The following LGR5 variants were observed in gnomAD, a reference collection of about 807,000 sequenced individuals.
LGR5 encodes leucine-rich repeat-containing G protein-coupled receptor 5.
In LGR5, 54 loss-of-function variants were observed where a neutral mutation model predicts 76.7. The ratio of observed to expected loss-of-function variants is 0.70; its 90% CI spans 0.57 to 0.88. The LOEUF (loss-of-function observed/expected upper bound fraction) is 0.88, where lower values mean the gene tolerates loss of function less well. Ranked by LOEUF, LGR5 falls within the 40% of genes least tolerant of loss-of-function variation. The probability of loss-of-function intolerance (pLI) is 0.00; values close to 1 mark genes in which losing one functional copy is unlikely to be tolerated. For missense variants in LGR5, 1,078 were observed against 1,073.3 expected, an observed-to-expected ratio of 1.00 and a Z score of -0.06; for synonymous variants, 406 against 421.9, an observed-to-expected ratio of 0.96 and a Z score of 0.46.
intron 4 of LGR5, among the ~76,000 whole-genome samples, chr12:71,545,529 C>G (rs1565740294): frequency 6.6e-6 from 1 of 151,926 alleles, no homozygotes. Context: ...CTTCATAACT[C>G]TGTTTATTAC....
intron 1 of LGR5, chr12:71,448,431 G>C (rs1872112366): frequency 1.3e-5 from 2 of 152,190 alleles, no homozygotes; most frequent in African/African-American, 4.8e-5. Context: ...TTTAAAGTTG[G>C]TTGGTTAATG....
chr12:71,522,463 A>C (rs962361280), intron 2 of LGR5, among the ~76,000 whole-genome samples: 4 of 152,224 alleles, frequency 2.6e-5, no homozygotes, highest in African/African-American at 7.2e-5. Context: ...AAGTGCCAAC[A>C]CCATGCTTAG....
chr12:71,539,546 C>T (rs1876770981), intron 4 of LGR5, among the ~76,000 whole-genome samples: 1 of 152,156 alleles, frequency 6.6e-6, no homozygotes, highest in Non-Finnish European at 1.5e-5. Context: ...GGTGCGATCT[C>T]AGCTCGCTGC....
At chr12:71,567,145 T>G (rs73337630) in intron 11 of LGR5, 8,772 of 507,882 alleles carry the variant, frequency 0.017, 229 homozygotes, top group African/African-American at 0.082. Context: ...CCACTAGACT[T>G]TCAGTTGGCA....
At chr12:71,439,762 A>C (rs1871660172), upstream of LGR5, 1 of 318,336 alleles carries the variant, frequency 3.1e-6, no homozygotes, top group African/African-American at 2.2e-5. Flanking sequence ...TTCGGGCTGG[A>C]GCGCTTTAAA....
chr12:71,572,805 A>C (rs759655329), intron 12 of LGR5, 45 bp from the exon 13 acceptor site: 60 of 1,485,676 alleles, frequency 4.0e-5, no homozygotes, highest in Non-Finnish European at 5.6e-5. Flanking sequence ...GTAGTCTTTG[A>C]AACCAGTAAC....
intron 2 of LGR5, among the ~76,000 whole-genome samples, chr12:71,519,784 C>A (rs1875638622): frequency 6.6e-6 from 1 of 151,684 alleles, no homozygotes; most frequent in Admixed American, 6.6e-5. Flanking sequence ...AAGCTTGAGC[C>A]ACTACACTGT....
chr12:71,583,468 C>T, intron 17 of LGR5, 179 bp from the exon 18 acceptor site: 1 of 676,130 alleles, frequency 1.5e-6, no homozygotes, highest in Non-Finnish European at 2.5e-6. Context: ...GCCAGTGCTG[C>T]AGAAGATCCA....
intron 1 of LGR5, among the ~76,000 whole-genome samples, chr12:71,494,155 C>A (rs61367666): frequency 6.6e-6 from 1 of 150,528 alleles, no homozygotes; most frequent in Non-Finnish European, 1.5e-5. Context: ...ACCGTGTTAG[C>A]CAGGATGGTC....
chr12:71,547,511 A>C (rs1943171316), intron 4 of LGR5, among the ~76,000 whole-genome samples: 1 of 152,244 alleles, frequency 6.6e-6, no homozygotes, highest in African/African-American at 2.4e-5. Flanking sequence ...CAAATAATAA[A>C]GTCTGTCATT....
intron 1 of LGR5, among the ~76,000 whole-genome samples, chr12:71,450,280 T>C (rs1265499187): frequency 6.6e-6 from 1 of 152,212 alleles, no homozygotes; most frequent in African/African-American, 2.4e-5. Flanking sequence ...TTTACACATG[T>C]TGTGTATGTC....
chr12:71,499,350 G>A (rs1874488196), intron 1 of LGR5, among the ~76,000 whole-genome samples: 1 of 152,108 alleles, frequency 6.6e-6, no homozygotes, highest in East Asian at 1.9e-4. Flanking sequence ...GATCTTGAAT[G>A]GCCTTGGAAG....
chr12:71,559,394 A>G (rs1877944886), intron 6 of LGR5, among the ~76,000 whole-genome samples, 192 bp from the exon 7 acceptor site: 2 of 152,204 alleles, frequency 1.3e-5, no homozygotes, highest in Admixed American at 1.3e-4. Flanking sequence ...TAGTCAAATG[A>G]CCATTTTAAC....
At chr12:71,533,338 C>T (rs1232218566) in intron 3 of LGR5, among the ~76,000 whole-genome samples, 3 of 151,890 alleles carry the variant, frequency 2.0e-5, no homozygotes, top group South Asian at 2.1e-4. Flanking sequence ...AGTGAGACTC[C>T]GTCTCAAAAT....
At chr12:71,562,697 G>A (rs900076741) in intron 8 of LGR5, among the ~76,000 whole-genome samples, 2 of 152,152 alleles carry the variant, frequency 1.3e-5, no homozygotes, top group African/African-American at 2.4e-5. Flanking sequence ...GGCTCCTCTC[G>A]GAGGCAGATT....
At chr12:71,578,098 A>T (rs1878936867) in intron 14 of LGR5, 102 bp downstream of exon 14, 1 of 839,496 alleles carries the variant, frequency 1.2e-6, no homozygotes, top group Admixed American at 1.9e-5. Flanking sequence ...ATATGCACAG[A>T]TTACCTGCCT....
chr12:71,521,690 A>C (rs1188456868), intron 2 of LGR5, among the ~76,000 whole-genome samples: 1 of 152,170 alleles, frequency 6.6e-6, no homozygotes, highest in Non-Finnish European at 1.5e-5. Flanking sequence ...AAATTATTCT[A>C]CAAGGGGAGA....
At chr12:71,552,114 T>A (rs1877514659) in intron 4 of LGR5, among the ~76,000 whole-genome samples, 1 of 151,866 alleles carries the variant, frequency 6.6e-6, no homozygotes, top group Non-Finnish European at 1.5e-5. Flanking sequence ...GGGAGAGCAT[T>A]AGGACAAATA....
chr12:71,464,305 G>A (rs1163250503), intron 1 of LGR5, among the ~76,000 whole-genome samples: 1 of 152,122 alleles, frequency 6.6e-6, no homozygotes. Flanking sequence ...TGAATAAGAG[G>A]AAGAAAGGAG....
Sources: gnomAD v4.1 joint callset for allele counts (sites outside exome capture counted in the v4.1 genomes callset) on GRCh38, gnomAD v4.1.1 for gene constraint, MANE v1.5 for transcripts, NCBI Gene and HGNC (gene_info 2026-07-23, HGNC 2026-07-21) for gene names.